Variants in CATSPERD observed in about 807,000 individuals in gnomAD.
CATSPERD encodes the protein catsper channel auxiliary subunit delta.
Under a neutral mutation model 98.1 loss-of-function variants are expected in CATSPERD, and 86 were observed. That is an observed-to-expected ratio of 0.88 (90% CI 0.74 to 1.05). The LOEUF is 1.05. Among genes scored for constraint, CATSPERD ranks in the 50% least tolerant of loss-of-function variants. The pLI is 0.00. For missense variants in CATSPERD, 995 were observed against 1,005.7 expected, an observed-to-expected ratio of 0.99 and a Z score of 0.14; for synonymous variants, 394 against 390.2, an observed-to-expected ratio of 1.01 and a Z score of -0.12.
Position 5,727,286 on chromosome 19 carries a change from C to T in CATSPERD, c.145C>T (p.Pro49Ser), listed in dbSNP as rs1429198224. The T allele has an allele frequency of 6.2e-7, 1 of 1,613,418 alleles. No homozygotes were observed. The highest frequency in any genetic ancestry group is 1.7e-5 in the Admixed American group (1 of 59,992). The change falls in exon 3 of 22, where the codon CCT (proline) becomes TCT (serine). Residue 49 changes from proline to serine, a missense_variant. By Grantham distance (74) the Pro-to-Ser change is moderately conservative (BLOSUM62 -1). Coordinates refer to ENST00000381624, the MANE Select transcript of CATSPERD (RefSeq NM_152784.4). ...TCTCTAGGACCGCCTGTATTTTCATCCTACAACAACACGCTTGATTAAACA... is the reference window on the plus strand; with the variant it reads ...TCTCTAGGACCGCCTGTATTTTCATTCTACAACAACACGCTTGATTAAACA... Reference protein sequence around the residue: ...DVQGDRLYFHPTTTRLIKHPC... With the variant: ...DVQGDRLYFHSTTTRLIKHPC...
At chr19:5,759,780 G>A (rs1049728806) in intron 15 of CATSPERD, among the ~76,000 whole-genome samples, 4 of 150,774 alleles carry the variant, frequency 2.7e-5, no homozygotes, top group Non-Finnish European at 4.4e-5. Flanking sequence ...GACTTAAGAA[G>A]GAAGGGAGTC....
chr19:5,755,902 G>A (rs1599563631), intron 13 of CATSPERD, among the ~76,000 whole-genome samples: 1 of 152,150 alleles, frequency 6.6e-6, no homozygotes, highest in East Asian at 1.9e-4. Flanking sequence ...GATCACTTGA[G>A]CCCAGGAGGT....
chr19:5,772,675 T>A, intron 19 of CATSPERD, 113 bp from the exon 20 acceptor site: 1 of 1,088,296 alleles, frequency 9.2e-7, no homozygotes, highest in Non-Finnish European at 1.3e-6. Flanking sequence ...TGGTTTCCTC[T>A]CTGTCACCTC....
rs772951671 is a variant in CATSPERD at position 5,746,926 on chromosome 19, TCCA to T, written c.808+866_808+868del. Among the ~76,000 whole-genome samples, 3 of 151,880 alleles carry T rather than the reference TCCA, an allele frequency of 2.0e-5. No individual in the cohort carries two copies. The Admixed American group carries it at 2.0e-4, about 10-fold the overall frequency. On this transcript the variant is annotated intron_variant, in intron 9 of 21. Coordinates refer to ENST00000381624, the MANE Select transcript of CATSPERD (RefSeq NM_152784.4). Reference sequence around the variant, plus strand: ...GGTGCAATCATGGCTCACTGCAGCCTCCACCTTCCCTGGGCTCAAACGATCCTC... The same window carrying T: ...GGTGCAATCATGGCTCACTGCAGCCTCCTTCCCTGGGCTCAAACGATCCTC...
chr19:5,748,728 C>CTTTTTTTTTTTTTTTT (rs527796326), intron 10 of CATSPERD, among the ~76,000 whole-genome samples: 1 of 94,080 alleles, frequency 1.1e-5, no homozygotes, highest in Non-Finnish European at 1.9e-5. Flanking sequence ...TCATATTATT[C>CTTTTTTTTTTTTTTTT]TTTTTTTTTT....
At chr19:5,749,589 G>T (rs1237388762) in intron 11 of CATSPERD, among the ~76,000 whole-genome samples, 1 of 152,138 alleles carries the variant, frequency 6.6e-6, no homozygotes, top group East Asian at 1.9e-4. Context: ...AAAAGGGGAA[G>T]AGTATTTAAA....
At chr19:5,754,016 A>C in intron 12 of CATSPERD, 116 bp from the exon 13 acceptor site, 1 of 716,718 alleles carries the variant, frequency 1.4e-6, no homozygotes, top group Middle Eastern at 2.9e-4. Flanking sequence ...AGACAGAGGC[A>C]CAAGTGGAGA....
In CATSPERD at chr19:5,720,841, C is replaced by CTCTCTAAACT. The variant is rs779485667; in HGVS notation, c.71+34_71+35insCTCTAAACTT. The CTCTCTAAACT allele has an allele frequency of 1.9e-6, 3 of 1,573,274 alleles. No individual in the cohort carries two copies. In the African/African-American group the frequency reaches 4.0e-5, roughly 21 times the overall value. ...TGCCAGGACTCCTGGGGCTGGGGTG[C>CTCTCTAAACT]TGCCGGGGGTCGGGAGGGTGCTGGT... On this transcript the variant is annotated intron_variant, in intron 1 of 21. Transcript: ENST00000381624.
At chr19:5,720,879 C>T in intron 1 of CATSPERD, 71 bp downstream of exon 1, 9 of 1,303,726 alleles carry the variant, frequency 6.9e-6, no homozygotes, top group Non-Finnish European at 8.5e-6. Context: ...ATCTTGGAGC[C>T]GAGGCCTGCT....
At chr19:5,768,108 C>A in intron 17 of CATSPERD, 60 bp from the exon 18 acceptor site, 1 of 1,476,514 alleles carries the variant, frequency 6.8e-7, no homozygotes, top group South Asian at 1.1e-5. Context: ...CTGTCCCATC[C>A]ATAATGGTTT....
At chr19:5,732,661 T>TTTTGC (rs1435188198) in intron 4 of CATSPERD, among the ~76,000 whole-genome samples, 1 of 151,252 alleles carries the variant, frequency 6.6e-6, no homozygotes, top group African/African-American at 2.4e-5. Context: ...AAATGGTGTT[T>TTTTGC]TTTGTTTTGT....
At chr19:5,730,145 C>G (rs950766828) in intron 4 of CATSPERD, among the ~76,000 whole-genome samples, 1 of 152,124 alleles carries the variant, frequency 6.6e-6, no homozygotes, top group Non-Finnish European at 1.5e-5. Flanking sequence ...AATAGACTTT[C>G]TATTCCTGAA....
chr19:5,730,748 C>T (rs891296587), intron 4 of CATSPERD, among the ~76,000 whole-genome samples: 1 of 151,876 alleles, frequency 6.6e-6, no homozygotes, highest in African/African-American at 2.4e-5. Flanking sequence ...CACGGTGGCT[C>T]ACGCCTGTAA....
intron 3 of CATSPERD, 46 bp downstream of exon 3, chr19:5,727,390 C>A: frequency 1.5e-6 from 2 of 1,335,148 alleles, no homozygotes; most frequent in Non-Finnish European, 2.1e-6. Flanking sequence ...TAAATTAAAT[C>A]TTTAGATTTG....
At chr19:5,752,062 T>G (rs571832590) in intron 12 of CATSPERD, among the ~76,000 whole-genome samples, 1 of 151,590 alleles carries the variant, frequency 6.6e-6, no homozygotes, top group African/African-American at 2.4e-5. Context: ...GGAGACTGAG[T>G]CTTTGGGAGA....
chr19:5,746,855 T>C (rs1420191117), intron 9 of CATSPERD, among the ~76,000 whole-genome samples: 1 of 151,912 alleles, frequency 6.6e-6, no homozygotes, highest in East Asian at 1.9e-4. Flanking sequence ...AGGCGGAAGC[T>C]GTGCCGAGTC....
At chr19:5,748,833 A>G (rs1486592318) in intron 10 of CATSPERD, among the ~76,000 whole-genome samples, 1 of 136,948 alleles carries the variant, frequency 7.3e-6, no homozygotes, top group Non-Finnish European at 1.5e-5. Flanking sequence ...GGGTTAAATG[A>G]TTCTCCTGCC....
chr19:5,721,701 C>G (rs1193626432), intron 1 of CATSPERD, among the ~76,000 whole-genome samples: 1 of 151,738 alleles, frequency 6.6e-6, no homozygotes, highest in Admixed American at 6.6e-5. Context: ...TGGGGTCTCA[C>G]TGGCTGGGTG....
chr19:5,772,097 G>C, intron 19 of CATSPERD: 1 of 244,540 alleles, frequency 4.1e-6, no homozygotes, highest in Non-Finnish European at 8.2e-6. Flanking sequence ...GCCCAGGCTG[G>C]AGTCCAGTGG....
Sources: gnomAD v4.1 joint callset for allele counts (sites outside exome capture counted in the v4.1 genomes callset) on GRCh38, gnomAD v4.1.1 for gene constraint, MANE v1.5 for transcripts, NCBI Gene and HGNC (gene_info 2026-07-23, HGNC 2026-07-21) for gene names.